Variants in ECHS1 observed in about 807,000 individuals in gnomAD.
ECHS1 encodes the protein enoyl-CoA hydratase, short chain 1, also known as enoyl-CoA hydratase, mitochondrial.
Under a neutral mutation model 33.5 loss-of-function variants are expected in ECHS1, and 19 were observed. That is an observed-to-expected ratio of 0.57 (90% confidence interval 0.40 to 0.83). The LOEUF (loss-of-function observed/expected upper bound fraction) is 0.83, where lower values mean the gene tolerates loss of function less well. ECHS1 is among the 40% of genes least tolerant of loss of function. ECHS1 has a pLI of 0.00. For synonymous variants in ECHS1, 158 were observed against 146.6 expected (o/e 1.08, Z -0.56); for missense variants, 365 against 381.3 (o/e 0.96, Z 0.36).
intron 6 of ECHS1, among the ~76,000 whole-genome samples, chr10:133,365,609 G>A (rs3789323): frequency 0.6 from 90,658 of 152,162 alleles, 27,666 homozygotes; most frequent in Middle Eastern, 0.76. Flanking sequence ...AGGCGCACAC[G>A]CAGCCGCCAA....
intron 4 of ECHS1, among the ~76,000 whole-genome samples, chr10:133,367,937 T>G (rs1420475791): frequency 6.6e-6 from 1 of 152,126 alleles, no homozygotes; most frequent in Non-Finnish European, 1.5e-5. Flanking sequence ...ACTTAGAGGA[T>G]TCACCGTCCT....
intron 7 of ECHS1, among the ~76,000 whole-genome samples, chr10:133,363,952 C>T (rs76833748): frequency 6.9e-6 from 1 of 144,482 alleles, no homozygotes; most frequent in South Asian, 2.1e-4. Flanking sequence ...AAATGAGTTA[C>T]ATTTTTTTTT....
At chr10:133,368,361 G>C (rs1312060884) in intron 4 of ECHS1, among the ~76,000 whole-genome samples, 1 of 149,514 alleles carries the variant, frequency 6.7e-6, no homozygotes, top group Non-Finnish European at 1.5e-5. Flanking sequence ...CAACTCAGAG[G>C]GCAGCGAAGG....
intron 4 of ECHS1, 87 bp downstream of exon 4, chr10:133,368,827 GGCCTCTGGT>G (rs1240833989): frequency 3.4e-6 from 4 of 1,168,122 alleles, no homozygotes; most frequent in Non-Finnish European, 5.0e-6. Context: ...GTCCATCCAG[GGCCTCTGGT>G]CAGATATGAG....
rs7894291 is a variant in ECHS1 at position 133,371,133 on chromosome 10, C to T, written c.89-376G>A. Among the ~76,000 whole-genome samples the T allele has an allele frequency of 3.0e-3, 454 of 152,208 alleles. 1 individual carries two copies. The highest frequency in any genetic ancestry group is 0.01 in the East Asian group (54 of 5,168). On this transcript the variant is annotated intron_variant, in intron 1 of 7. Transcript: ENST00000368547. ...TCTACCTAAAATACAAAAAATTAGTCGGGTGTTGTGGCGGGCGCCTGTAGT... is the reference window on the plus strand; with the variant it reads ...TCTACCTAAAATACAAAAAATTAGTTGGGTGTTGTGGCGGGCGCCTGTAGT...
intron 7 of ECHS1, among the ~76,000 whole-genome samples, chr10:133,363,262 G>A (rs1848987134): frequency 6.6e-6 from 1 of 152,194 alleles, no homozygotes; most frequent in African/African-American, 2.4e-5. Flanking sequence ...CCTGTATCAG[G>A]GGCTACTCTG....
chr10:133,368,878 G>A lies in ECHS1; in HGVS notation c.514+45C>T, dbSNP rs757807925. The A allele has an allele frequency of 8.3e-6, 13 of 1,570,814 alleles. No homozygotes were observed. In the Admixed American group the frequency reaches 2.0e-4, roughly 24 times the overall value. On this transcript the variant is annotated intron_variant, in intron 4 of 7. Coordinates refer to ENST00000368547, the MANE Select transcript of ECHS1 (RefSeq NM_004092.4). ...GCCCTGAGACACAGGCAGATTTTGA[G>A]TAATTACCTAAGGCATCTATGCCAG...
Position 133,366,963 on chromosome 10 carries a change from G to A in ECHS1, c.545C>T (p.Ala182Val). ...GAGGTQRLTR[A>V]VGKSLAMEMV... ...CTCCATCGCCAGCGACTTCCCAACA[G>A]CACGGGTGAGTCTCTGGGTGCCGCC... is the stretch of plus-strand genomic sequence containing the variant. The change falls in exon 5 of 8, where the codon GCT (alanine) becomes GTT (valine). Residue 182 changes from alanine (A) to valine (V), a missense_variant. Coordinates refer to ENST00000368547, the MANE Select transcript of ECHS1 (RefSeq NM_004092.4). 2 of 1,612,598 alleles carry A rather than the reference G, an allele frequency of 1.2e-6. No individual in the cohort carries two copies. The highest frequency in any genetic ancestry group is 1.7e-6 in the Non-Finnish European group (2 of 1,179,978).
chr10:133,367,062 GC>G, intron 4 of ECHS1, 69 bp from the exon 5 acceptor site: 1 of 1,328,378 alleles, frequency 7.5e-7, no homozygotes, highest in South Asian at 1.2e-5. Flanking sequence ...CAGCTGTGCA[GC>G]CAGCAAATTC....
chr10:133,370,063 CA>C, intron 2 of ECHS1, 32 bp from the exon 3 acceptor site: 1 of 1,611,686 alleles, frequency 6.2e-7, no homozygotes, highest in Middle Eastern at 1.7e-4. Context: ...TTCCAGTTAC[CA>C]GAGAGCAGAG....
rs764148272 is a variant in ECHS1 at position 133,370,744 on chromosome 10, C to T, written c.102G>A (p.Glu34=). ...WRPFASGANF[E]YIIAEKRGKN... is the part of the protein sequence containing the mutation. ...TCCCTCTTTTTTCTGCGATGATGTA[C>T]TCAAAGTTAGCACCTGGAGCAAGAA... Residue 34 remains glutamate, a synonymous_variant, in exon 2 of 8, where the codon GAG becomes GAA. Transcript: ENST00000368547. The T allele has an allele frequency of 1.2e-5, 19 of 1,610,820 alleles. No individual in the cohort carries two copies. Among genetic ancestry groups the T allele is most frequent in the Non-Finnish European group, 1.4e-5 (17 of 1,178,834 alleles).
intron 5 of ECHS1, 93 bp from the exon 6 acceptor site, chr10:133,366,188 A>G (rs1589880553): frequency 6.8e-7 from 1 of 1,468,896 alleles, no homozygotes; most frequent in Non-Finnish European, 9.2e-7. Flanking sequence ...GCGTGGCTGG[A>G]GCACCCCAGC....
At position 133,373,280 on chromosome 10, in the gene ECHS1, C is replaced by T. The variant is rs1564806265; in HGVS notation, c.54G>A (p.Pro18=). Residue 18 remains proline, a synonymous_variant, in exon 1 of 8, where the codon CCG becomes CCA. Transcript: ENST00000368547. ...AGGGACGCCAGGCGGGACAGCGAAC[C>T]GGGGGCCTCAGCGGGCCGCGGACGC... The part of the protein sequence containing the change: ...LSCVRGPLRP[P]VRCPAWRPFA... 3 of 1,472,580 alleles carry T rather than the reference C, an allele frequency of 2.0e-6. No homozygotes were observed. Among genetic ancestry groups the T allele is most frequent in the Non-Finnish European group, 2.7e-6 (3 of 1,117,722 alleles). 91.2% of individuals were successfully genotyped at this position (1,472,580 alleles called of 1,614,324 possible).
chr10:133,370,247 G>A (rs1374023311), intron 2 of ECHS1, among the ~76,000 whole-genome samples: 1 of 152,248 alleles, frequency 6.6e-6, no homozygotes, highest in Admixed American at 6.5e-5. Flanking sequence ...GGCAGCAGGT[G>A]CAAGGGAGGC....
Position 133,364,650 on chromosome 10 carries a change from T to G in ECHS1, c.807+8A>C. 6.2e-7 allele frequency: 1 copy of G among 1,605,798 alleles called. No homozygotes were observed. ...GCTTGATTCTCCGGTTGAACACTGT[T>G]TACTCACAGTGGCAAAGGTTGAATA... On this transcript the variant is annotated splice_region_variant and intron_variant, in intron 7 of 7. Coordinates refer to ENST00000368547, the MANE Select transcript of ECHS1 (RefSeq NM_004092.4).
At chr10:133,363,017 G>T in intron 7 of ECHS1, 84 bp from the exon 8 acceptor site, 1 of 1,517,692 alleles carries the variant, frequency 6.6e-7, no homozygotes, top group Non-Finnish European at 9.1e-7. Context: ...TCTCTCCCTG[G>T]CTCTGCCTCA....
intron 7 of ECHS1, among the ~76,000 whole-genome samples, chr10:133,363,197 C>T (rs572463019): frequency 6.6e-6 from 1 of 152,346 alleles, no homozygotes; most frequent in South Asian, 2.1e-4. Flanking sequence ...ATCTAAAGAG[C>T]CTCAGATGCA....
At chr10:133,369,667 C>G (rs572639381) in intron 3 of ECHS1, among the ~76,000 whole-genome samples, 5 of 152,192 alleles carry the variant, frequency 3.3e-5, no homozygotes, top group South Asian at 2.1e-4. Flanking sequence ...TCTCTTCCCC[C>G]ACCCTGGAAG....
At chr10:133,363,437 A>G (rs1329241287) in intron 7 of ECHS1, among the ~76,000 whole-genome samples, 1 of 152,138 alleles carries the variant, frequency 6.6e-6, no homozygotes, top group Non-Finnish European at 1.5e-5. Flanking sequence ...TTTATTTTAT[A>G]GAACAATTAA....
Sources: allele counts gnomAD v4.1 joint callset (sites outside exome capture counted in the v4.1 genomes callset), GRCh38; gene constraint gnomAD v4.1.1; transcripts MANE v1.5; gene names NCBI Gene and HGNC (gene_info 2026-07-23, HGNC 2026-07-21).